ENPP3: variants seen among roughly 807,000 people sequenced by gnomAD.
The protein encoded by ENPP3 is ectonucleotide pyrophosphatase/phosphodiesterase 3, also known as ectonucleotide pyrophosphatase/phosphodiesterase family member 3.
Under a neutral mutation model 117.8 loss-of-function variants are expected in ENPP3, and 104 were observed. The observed-to-expected ratio is 0.88, with a 90% confidence interval of 0.75 to 1.04. ENPP3 has a LOEUF of 1.04. Ranked by LOEUF, ENPP3 falls within the 50% of genes least tolerant of loss-of-function variation. The pLI is 0.00. For synonymous variants in ENPP3, 380 were observed against 349.9 expected (o/e 1.09, Z -0.96); for missense variants, 1,026 against 1,051.9 (o/e 0.98, Z 0.34).
In ENPP3 at chr6:131,681,990, G is replaced by A. The variant is rs150241838; in HGVS notation, c.1012-1064G>A. Among the ~76,000 whole-genome samples the A allele has an allele frequency of 2.4e-4, 37 of 151,920 alleles. No individual in the cohort carries two copies. In the East Asian group the frequency reaches 3.1e-3, roughly 13 times the overall value. ...TGGGATTATAGGTGCCTGCCAGCAC[G>A]CCCAACTAATTTTTGCATTTTTAGT... On this transcript the variant is annotated intron_variant, in intron 11 of 24. Coordinates refer to ENST00000357639, the MANE Select transcript of ENPP3 (RefSeq NM_005021.5).
chr6:131,662,062 G>A (rs1199079235), intron 6 of ENPP3, among the ~76,000 whole-genome samples: 4 of 152,086 alleles, frequency 2.6e-5, no homozygotes, highest in Non-Finnish European at 5.9e-5. Flanking sequence ...TATACTTTGA[G>A]TTGATTTTTG....
intron 22 of ENPP3, among the ~76,000 whole-genome samples, chr6:131,737,646 T>C (rs1459828581): frequency 2.0e-5 from 3 of 152,146 alleles, no homozygotes; most frequent in Non-Finnish European, 4.4e-5. Context: ...TCTGATAATT[T>C]GTTTTTAAGC....
Position 131,693,530 on chromosome 6 carries a change from T to C in ENPP3, c.1318T>C (p.Leu440=). 2 of 1,613,486 alleles carry C rather than the reference T, an allele frequency of 1.2e-6. No homozygotes were observed. Among genetic ancestry groups the C allele is most frequent in the Non-Finnish European group, 1.7e-6 (2 of 1,179,722 alleles). Residue 440 remains leucine (L), a synonymous_variant, in exon 15 of 25, where the codon TTG becomes CTG. Coordinates refer to ENST00000357639, the MANE Select transcript of ENPP3 (RefSeq NM_005021.5). ...ACCTGATCAGCATTTCAAGCCCTAT[T>C]TGACTCCTGATTTGCCAAAGCGACT... is the stretch of plus-strand genomic sequence containing the variant. The part of the protein sequence containing the change: ...RKPDQHFKPY[L]TPDLPKRLHY...
intron 2 of ENPP3, among the ~76,000 whole-genome samples, chr6:131,647,527 T>G (rs1266826596): frequency 6.6e-6 from 1 of 152,130 alleles, no homozygotes; most frequent in African/African-American, 2.4e-5. Flanking sequence ...AATTTAAGAT[T>G]TTAAACATAC....
At chr6:131,692,944 A>C (rs1020915646) in intron 14 of ENPP3, among the ~76,000 whole-genome samples, 15 of 145,964 alleles carry the variant, frequency 1.0e-4, no homozygotes, top group African/African-American at 3.7e-4. Flanking sequence ...ATATAGTTAT[A>C]TATTATACAC....
rs374600552 is a variant in ENPP3, at chr6:131,676,686, A to T, written c.873-50A>T. On this transcript the variant is annotated intron_variant, in intron 9 of 24. Coordinates refer to ENST00000357639, the MANE Select transcript of ENPP3 (RefSeq NM_005021.5). ...TTCTGAATAGGAATGTAATGGAGTT[A>T]TTCTTGATTTGATTCATTTTAAAGA... is the stretch of plus-strand genomic sequence containing the variant. The T allele has an allele frequency of 6.0e-5, 73 of 1,217,988 alleles. 1 individual carries two copies. The Admixed American group carries it at 6.1e-4, about 10-fold the overall frequency. 75.4% of individuals were successfully genotyped at this position (1,217,988 alleles called of 1,614,324 possible).
chr6:131,742,128 T>G (rs1488032036), intron 24 of ENPP3, among the ~76,000 whole-genome samples: 1 of 152,092 alleles, frequency 6.6e-6, no homozygotes, highest in East Asian at 1.9e-4. Flanking sequence ...AGAGGCTGAA[T>G]AGTGAGCCAC....
At position 131,740,235 on chromosome 6, in the gene ENPP3, A is replaced by G; in HGVS notation, c.2312A>G (p.Asn771Ser). 1 of 1,594,406 alleles carries G rather than the reference A, an allele frequency of 6.3e-7. No individual in the cohort carries two copies. Among genetic ancestry groups the G allele is most frequent in the Non-Finnish European group, 8.5e-7 (1 of 1,170,626 alleles). ...ATTATGTTTGTAAGACATTTAGCCA[A>G]CACTGATGTTCCCATCCCAACACAC... Reference protein sequence around the residue: ...APDEITKHLANTDVPIPTHYF... With the variant: ...APDEITKHLASTDVPIPTHYF... The change falls in exon 24 of 25, where the codon AAC becomes AGC. Residue 771 changes from asparagine (N) to serine (S), a missense_variant. Coordinates refer to ENST00000357639, the MANE Select transcript of ENPP3 (RefSeq NM_005021.5).
intron 15 of ENPP3, among the ~76,000 whole-genome samples, chr6:131,712,443 T>G (rs1423094034): frequency 6.9e-6 from 1 of 145,128 alleles, no homozygotes; most frequent in African/African-American, 2.8e-5. Context: ...CCTGGGATAC[T>G]GCACCTCTCC....
Position 131,720,273 on chromosome 6 carries a change from TCTGA to T in ENPP3, c.1480-16_1480-13del, listed in dbSNP as rs1562472340. The T allele has an allele frequency of 7.0e-7, 1 of 1,436,996 alleles. No individual in the cohort carries two copies. The highest frequency in any genetic ancestry group is 9.5e-7 in the Non-Finnish European group (1 of 1,048,288). The allele number at this position is 1,436,996 out of a possible 1,614,324, so 89.0% of individuals were successfully genotyped here. On this transcript the variant is annotated splice_polypyrimidine_tract_variant and intron_variant, in intron 16 of 24. Transcript: ENST00000357639. ...TTTGGATGACATCTAATAATAATAA[TCTGA>T]CTATTATGACCTAGGCTATCTTTCT...
Position 131,746,991 on chromosome 6 carries a change from A to C in ENPP3, c.*35A>C. 8.1e-7 allele frequency: 1 copy of C among 1,229,028 alleles called. No individual in the cohort carries two copies. The highest frequency in any genetic ancestry group is 2.0e-5 in the South Asian group (1 of 49,620). The allele number at this position is 1,229,028 out of a possible 1,614,324, so 76.1% of individuals were successfully genotyped here. ...GTCTACTTAATATATAATTTACTGT[A>C]TAAAGTAATTTTGGCAAAATATAAG... On this transcript the variant is annotated 3_prime_UTR_variant, in exon 25 of 25. Transcript: ENST00000357639.
rs138254662 is a variant in ENPP3, at chr6:131,641,292, C to T, written c.79-163C>T. Among the ~76,000 whole-genome samples the T allele has an allele frequency of 3.3e-3, 495 of 152,120 alleles. 3 individuals are homozygous for T. Among genetic ancestry groups the T allele is most frequent in the African/African-American group, 0.01 (423 of 41,510 alleles). ...TTAATTTCAAGCATTAAATAAAATA[C>T]TATACCTCCAGTTAGGCCAGATACT... On this transcript the variant is annotated intron_variant, in intron 1 of 24. Transcript: ENST00000357639.
chr6:131,693,694 T>G, intron 15 of ENPP3, 70 bp downstream of exon 15: 1 of 1,455,416 alleles, frequency 6.9e-7, no homozygotes, highest in Non-Finnish European at 9.5e-7. Flanking sequence ...CTACTTAACC[T>G]TACCCTGCTA....
At chr6:131,674,321 A>G (rs778749386) in intron 8 of ENPP3, 40 bp downstream of exon 8, 4 of 1,601,752 alleles carry the variant, frequency 2.5e-6, no homozygotes, top group African/African-American at 1.3e-5. Context: ...AGTAACCTCC[A>G]TTTCTCAGTG....
At chr6:131,722,172 G>A in intron 17 of ENPP3, 55 bp from the exon 18 acceptor site, 1 of 1,262,802 alleles carries the variant, frequency 7.9e-7, no homozygotes, top group Non-Finnish European at 1.1e-6. Context: ...CTCCCACAGA[G>A]GAGTTGTTGC....
intron 2 of ENPP3, among the ~76,000 whole-genome samples, chr6:131,645,176 C>T (rs748785479): frequency 1.3e-5 from 2 of 152,244 alleles, no homozygotes; most frequent in Non-Finnish European, 2.9e-5. Context: ...ATAAATACTG[C>T]AGGTTCCCTT....
In ENPP3 at chr6:131,740,374, C is replaced by A; in HGVS notation, c.2451C>A (p.Ser817Arg). Residue 817 changes from serine to arginine, a missense_variant, in exon 24 of 25, where the codon AGC (serine) becomes AGA (arginine). Ser to Arg is a moderately radical substitution (Grantham distance 110). Coordinates refer to ENST00000357639, the MANE Select transcript of ENPP3 (RefSeq NM_005021.5). ...IIPHRPTNVE[S>R]CPEGKPEALW... ...CTCACCGACCTACCAACGTGGAGAG[C>A]TGTCCTGTGAGTATGCTTTGGGAGG... is the stretch of plus-strand genomic sequence containing the variant. The A allele has an allele frequency of 6.2e-7, 1 of 1,607,102 alleles. No homozygotes were observed. Among genetic ancestry groups the A allele is most frequent in the Non-Finnish European group, 8.5e-7 (1 of 1,176,628 alleles).
rs750825587 is a variant in ENPP3, at chr6:131,693,600, T to C, written c.1388T>C (p.Val463Ala). 1 of 1,613,874 alleles carries C rather than the reference T, an allele frequency of 6.2e-7. No individual in the cohort carries two copies. The highest frequency in any genetic ancestry group is 8.5e-7 in the Non-Finnish European group (1 of 1,179,896). Residue 463 changes from valine to alanine, a missense_variant, in exon 15 of 25, where the codon GTG becomes GCG. Val to Ala is a moderately conservative substitution (Grantham distance 64). Transcript: ENST00000357639. ...AGAATCGACAAAGTTCATCTCTTTG[T>C]GGATCAACAGTGGCTGGCTGTTAGG... ...NVRIDKVHLF[V>A]DQQWLAVRSK...
At chr6:131,717,187 GATTTGTGATTTATTTTTTA>G (rs1329201402) in intron 15 of ENPP3, among the ~76,000 whole-genome samples, 2 of 151,946 alleles carry the variant, frequency 1.3e-5, no homozygotes, top group African/African-American at 2.4e-5. Flanking sequence ...GGCCTGGTCA[GATTTGTGATTTATTTTTTA>G]ATTTGTGATT....
Sources: allele counts gnomAD v4.1 joint callset (sites outside exome capture counted in the v4.1 genomes callset), GRCh38; gene constraint gnomAD v4.1.1; transcripts MANE v1.5; gene names NCBI Gene and HGNC (gene_info 2026-07-23, HGNC 2026-07-21).